The following MNDA variants were observed in gnomAD, a reference collection of about 807,000 sequenced individuals.
MNDA encodes epididymis secretory sperm binding protein.
Under a neutral mutation model 37.8 loss-of-function variants are expected in MNDA, and 43 were observed. That is an observed-to-expected ratio of 1.14 (90% CI 0.89 to 1.47). The LOEUF is 1.47. MNDA is among the 40% of genes most tolerant of loss of function. The pLI is 0.00. For synonymous variants in MNDA, 181 were observed against 169.0 expected (o/e 1.07, Z -0.55); for missense variants, 536 against 476.0 (o/e 1.13, Z -1.17).
intron 1 of MNDA, among the ~76,000 whole-genome samples, chr1:158,837,312 G>A (rs1403650597): frequency 6.6e-6 from 1 of 151,680 alleles, no homozygotes; most frequent in East Asian, 1.9e-4. Flanking sequence ...GAACATTAAA[G>A]TCTCTTACTA....
chr1:158,843,159 C>T (rs1659064874), intron 2 of MNDA, 120 bp from the exon 3 acceptor site: 2 of 1,296,460 alleles, frequency 1.5e-6, no homozygotes, highest in East Asian at 2.5e-5. Context: ...GTAGAGGTAA[C>T]AGGCAAATCC....
chr1:158,848,151 T>G (rs1659177869), intron 6 of MNDA, among the ~76,000 whole-genome samples: 1 of 152,186 alleles, frequency 6.6e-6, no homozygotes, highest in Non-Finnish European at 1.5e-5. Context: ...AAGATGTGTC[T>G]AGCGGCAGGG....
At chr1:158,839,646 A>G (rs1658990605) in intron 1 of MNDA, among the ~76,000 whole-genome samples, 1 of 152,238 alleles carries the variant, frequency 6.6e-6, no homozygotes, top group African/African-American at 2.4e-5. Context: ...TTCCAAAGGA[A>G]GAATGAGGAA....
chr1:158,842,422 A>G lies in MNDA; in HGVS notation c.265+4A>G, dbSNP rs567256049. The G allele has an allele frequency of 5.2e-5, 84 of 1,607,852 alleles. No homozygotes were observed. Among genetic ancestry groups the G allele is most frequent in the Non-Finnish European group, 6.8e-5 (80 of 1,177,524 alleles). On this transcript the variant is annotated splice_donor_region_variant and intron_variant, in intron 2 of 6. Transcript: ENST00000368141. ...CTTCGAAAAGAGAAGTCAAAAGGTA[A>G]TAGAGAAAACCTTGCACATAGCTAC... is the stretch of plus-strand genomic sequence containing the variant.
Position 158,847,716 on chromosome 1 carries a change from C to T in MNDA, c.988-12C>T, listed in dbSNP as rs762974870. 6 of 1,605,066 alleles carry T rather than the reference C, an allele frequency of 3.7e-6. No individual in the cohort carries two copies. The African/African-American group carries it at 4.0e-5, about 11-fold the overall frequency. On this transcript the variant is annotated splice_polypyrimidine_tract_variant and intron_variant, in intron 5 of 6. Coordinates refer to ENST00000368141, the MANE Select transcript of MNDA (RefSeq NM_002432.3). ...ATCCTCTCAGAAACAGGATGTTAAT[C>T]TTCTTTTGCAGAAAAGCGTACACAA... is the stretch of plus-strand genomic sequence containing the variant.
chr1:158,832,580 AAAGT>A (rs1489646536), intron 1 of MNDA, among the ~76,000 whole-genome samples: 1 of 151,242 alleles, frequency 6.6e-6, no homozygotes, highest in Non-Finnish European at 1.5e-5. Context: ...GCTACTTTAT[AAAGT>A]AATAACAGAT....
chr1:158,846,276 A>G (rs1358333169), intron 5 of MNDA, among the ~76,000 whole-genome samples: 1 of 152,236 alleles, frequency 6.6e-6, no homozygotes, highest in East Asian at 1.9e-4. Context: ...TACAGGGTCC[A>G]AATCAACGGG....
chr1:158,843,240 CT>C, intron 2 of MNDA, 38 bp from the exon 3 acceptor site: 1 of 1,580,542 alleles, frequency 6.3e-7, no homozygotes, highest in Non-Finnish European at 8.6e-7. Context: ...AGCTATTCCA[CT>C]CTAGGCCTAT....
chr1:158,836,331 T>G (rs1658915143), intron 1 of MNDA, among the ~76,000 whole-genome samples: 1 of 152,020 alleles, frequency 6.6e-6, no homozygotes, highest in East Asian at 1.9e-4. Context: ...TTTGGTAGAA[T>G]TTACCAGTAA....
At position 158,843,162 on chromosome 1, in the gene MNDA, G is replaced by A. The variant is rs1319301656; in HGVS notation, c.266-117G>A. 7 of 1,330,672 alleles carry A rather than the reference G, an allele frequency of 5.3e-6. No individual in the cohort carries two copies. In the African/African-American group the frequency reaches 9.0e-5, roughly 17 times the overall value. 82.4% of individuals were successfully genotyped at this position (1,330,672 alleles called of 1,614,324 possible). A position where few individuals can be genotyped will look rare whatever the true frequency, so the allele number is the denominator to read the frequency against. ...TGGGTTAATGCAGTAGAGGTAACAG[G>A]CAAATCCGAACTCTCATGCAGGAGC... On this transcript the variant is annotated intron_variant, in intron 2 of 6. Coordinates refer to ENST00000368141, the MANE Select transcript of MNDA (RefSeq NM_002432.3).
chr1:158,832,630 T>G (rs531403056), intron 1 of MNDA, among the ~76,000 whole-genome samples: 41 of 151,614 alleles, frequency 2.7e-4, no homozygotes, highest in African/African-American at 9.9e-4. Flanking sequence ...TTATATCTTT[T>G]TCCAAGTTGC....
intron 1 of MNDA, among the ~76,000 whole-genome samples, chr1:158,839,429 G>A (rs1658986749): frequency 6.6e-6 from 1 of 151,970 alleles, no homozygotes; most frequent in African/African-American, 2.4e-5. Context: ...ATAATCTCTT[G>A]CCTTCTGGCA....
intron 1 of MNDA, among the ~76,000 whole-genome samples, chr1:158,836,421 C>T (rs1034954192): frequency 1.3e-5 from 2 of 151,792 alleles, no homozygotes; most frequent in South Asian, 2.1e-4. Context: ...AATGACTGTT[C>T]GGATTTTCTA....
chr1:158,845,730 T>C lies in MNDA; in HGVS notation c.714T>C (p.Ala238=), dbSNP rs770395991. The change falls in exon 5 of 7, where the codon GCT becomes GCC. Residue 238 remains alanine, a synonymous_variant. Coordinates refer to ENST00000368141, the MANE Select transcript of MNDA (RefSeq NM_002432.3). ...ATGGGAAAAGCACAATGTTTCATGC[T>C]ACAGTGGCCAGTAAGACTCAATATT... is the stretch of plus-strand genomic sequence containing the variant. ...PENGKSTMFH[A]TVASKTQYFH... 5.6e-6 allele frequency: 9 copies of C among 1,614,068 alleles called. No individual in the cohort carries two copies. Among genetic ancestry groups the C allele is most frequent in the Non-Finnish European group, 7.6e-6 (9 of 1,180,034 alleles).
chr1:158,845,488 C>A, intron 4 of MNDA, 99 bp from the exon 5 acceptor site: 2 of 1,198,480 alleles, frequency 1.7e-6, no homozygotes, highest in South Asian at 3.2e-5. Context: ...GATCCACCCG[C>A]CTCGGCTTCC....
At chr1:158,841,514 G>A (rs1659027847) in intron 1 of MNDA, among the ~76,000 whole-genome samples, 1 of 152,170 alleles carries the variant, frequency 6.6e-6, no homozygotes, top group Admixed American at 6.5e-5. Context: ...ATAGGAGGAT[G>A]GCAAAATGAC....
chr1:158,839,776 T>C (rs1658992933), intron 1 of MNDA, among the ~76,000 whole-genome samples: 2 of 152,222 alleles, frequency 1.3e-5, no homozygotes, highest in South Asian at 2.1e-4. Flanking sequence ...GTTTGGAATT[T>C]CCTTTGTTGC....
Position 158,847,900 on chromosome 1 carries a change from G to C in MNDA, c.1160G>C (p.Ser387Thr), listed in dbSNP as rs1659172800. ...VDRKLKLVCG[S>T]HSFIKVIKAK... ...CGCAAGCTGAAACTGGTGTGTGGAA[G>C]TCACAGCTTCATCAAGGTGGGAACT... The change falls in exon 6 of 7, where the codon AGT becomes ACT. Residue 387 changes from serine (S) to threonine (T), a missense_variant. Coordinates refer to ENST00000368141, the MANE Select transcript of MNDA (RefSeq NM_002432.3). 1.9e-6 allele frequency: 3 copies of C among 1,613,764 alleles called. No individual in the cohort carries two copies. The East Asian group carries it at 6.7e-5, about 36-fold the overall frequency.
chr1:158,835,978 T>C (rs1658905635), intron 1 of MNDA, among the ~76,000 whole-genome samples: 1 of 151,988 alleles, frequency 6.6e-6, no homozygotes, highest in South Asian at 2.1e-4. Context: ...GTATTTTTCC[T>C]CATCTTTCAG....
Sources: allele counts gnomAD v4.1 joint callset (sites outside exome capture counted in the v4.1 genomes callset), GRCh38; gene constraint gnomAD v4.1.1; transcripts MANE v1.5; gene names NCBI Gene and HGNC (gene_info 2026-07-23, HGNC 2026-07-21).